FNDC7: variants seen among roughly 807,000 people sequenced by gnomAD.
The protein encoded by FNDC7 is fibronectin type III domain containing 7, also known as fibronectin type III domain-containing protein 7.
In FNDC7, 66 loss-of-function variants were observed where a neutral mutation model predicts 74.2. That is an observed-to-expected ratio of 0.89 (90% confidence interval 0.73 to 1.09). The LOEUF is 1.09. Ranked by LOEUF, FNDC7 falls within the 50% of genes least tolerant of loss-of-function variation. The probability of loss-of-function intolerance (pLI) is 0.00; values close to 1 mark genes in which losing one functional copy is unlikely to be tolerated. For synonymous variants in FNDC7, 307 were observed against 330.2 expected, an observed-to-expected ratio of 0.93 and a Z score of 0.76; for missense variants, 829 against 893.4, an observed-to-expected ratio of 0.93 and a Z score of 0.92.
intron 3 of FNDC7, 137 bp from the exon 4 acceptor site, chr1:108,718,652 A>T (rs1351056211): frequency 2.1e-5 from 19 of 917,748 alleles, no homozygotes; most frequent in Non-Finnish European, 3.1e-5. Context: ...GCAATTATTT[A>T]ATGAAACTTT....
chr1:108,719,249 A>T (rs913600122), intron 4 of FNDC7, among the ~76,000 whole-genome samples, 200 bp downstream of exon 4: 1 of 152,196 alleles, frequency 6.6e-6, no homozygotes, highest in Non-Finnish European at 1.5e-5. Flanking sequence ...GGATAAAGAA[A>T]TGCTACTCAG....
chr1:108,722,753 T>C (rs1430949068), intron 5 of FNDC7, among the ~76,000 whole-genome samples, 161 bp downstream of exon 5: 2 of 152,274 alleles, frequency 1.3e-5, no homozygotes, highest in Non-Finnish European at 2.9e-5. Context: ...TTGAATAATA[T>C]TGATAGTGAA....
At chr1:108,713,386 G>GA in intron 1 of FNDC7, 125 bp from the exon 2 acceptor site, 1 of 796,696 alleles carries the variant, frequency 1.3e-6, no homozygotes, top group Non-Finnish European at 2.1e-6. Context: ...TGTATGGATT[G>GA]AAAGACTGCT....
At chr1:108,720,045 ATAATCATAGCCCTGCGGTG>A (rs1175981736) in intron 4 of FNDC7, among the ~76,000 whole-genome samples, 3 of 152,192 alleles carry the variant, frequency 2.0e-5, no homozygotes. Flanking sequence ...GGGAGGTAGT[ATAATCATAGCCCTGCGGTG>A]ATTCATGACA....
At chr1:108,723,395 C>G (rs1276144489) in intron 5 of FNDC7, among the ~76,000 whole-genome samples, 1 of 152,096 alleles carries the variant, frequency 6.6e-6, no homozygotes, top group Non-Finnish European at 1.5e-5. Flanking sequence ...ATAATATCTA[C>G]TTTATCTAAC....
At chr1:108,739,916 C>T (rs1452085367) in intron 11 of FNDC7, among the ~76,000 whole-genome samples, 2 of 151,650 alleles carry the variant, frequency 1.3e-5, no homozygotes, top group Non-Finnish European at 2.9e-5. Context: ...CAGTGTCACA[C>T]ACCTGTAGTC....
chr1:108,725,444 G>T (rs968704547), intron 5 of FNDC7, among the ~76,000 whole-genome samples: 1 of 152,186 alleles, frequency 6.6e-6, no homozygotes, highest in African/African-American at 2.4e-5. Flanking sequence ...ATGAAAATTT[G>T]TATGTCTTAA....
chr1:108,733,270 A>T lies in FNDC7; in HGVS notation c.1880-2A>T. The T allele has an allele frequency of 6.2e-7, 1 of 1,603,344 alleles. No individual in the cohort carries two copies. The highest frequency in any genetic ancestry group is 2.2e-5 in the East Asian group (1 of 44,552). On this transcript the variant is annotated splice_acceptor_variant, in intron 9 of 12. Transcript: ENST00000370017. LOFTEE classifies it high-confidence loss of function. Reference sequence around the variant, plus strand: ...TTTGTGTTTGTTATTTTTATTGCCTAGGTGCCTGCTGCCCTTTGGGGGTGA... The same window carrying T: ...TTTGTGTTTGTTATTTTTATTGCCTTGGTGCCTGCTGCCCTTTGGGGGTGA...
chr1:108,727,562 C>A (rs2065515), intron 6 of FNDC7, among the ~76,000 whole-genome samples: 8,728 of 152,024 alleles, frequency 0.057, 815 homozygotes, highest in African/African-American at 0.2. Flanking sequence ...TCTGGTGTGG[C>A]AGGGAGTGGG....
Position 108,722,435 on chromosome 1 carries a change from G to A in FNDC7, c.699G>A (p.Val233=), listed in dbSNP as rs2101080095. 3.7e-6 allele frequency: 6 copies of A among 1,614,212 alleles called. 1 individual carries two copies. The Middle Eastern group carries it at 8.3e-4, about 222-fold the overall frequency. ...CAGAAGGAGCTTTCAATTATACTGT[G>A]ATGGCTTTGAGCGACTCTTCAGAGC... ...ARAEGAFNYT[V]MALSDSSELT... The change falls in exon 5 of 13, where the codon GTG becomes GTA. Residue 233 remains valine (V), a synonymous_variant. Transcript: ENST00000370017.
intron 6 of FNDC7, among the ~76,000 whole-genome samples, chr1:108,727,031 C>A (rs903540646): frequency 1.3e-5 from 2 of 152,074 alleles, no homozygotes; most frequent in Admixed American, 1.3e-4. Context: ...TCTCTTAAGA[C>A]CTACCTATAT....
rs1661273347 is a variant in FNDC7 at position 108,728,723 on chromosome 1, C to A, written c.1461C>A (p.Tyr487Ter). 1 of 1,614,144 alleles carries A rather than the reference C, an allele frequency of 6.2e-7. No homozygotes were observed. Among genetic ancestry groups the A allele is most frequent in the Non-Finnish European group, 8.5e-7 (1 of 1,180,054 alleles). The change falls in exon 8 of 13, where the codon TAC (tyrosine) becomes TAA (stop). Residue 487 changes from tyrosine to a stop codon, truncating the protein, a stop_gained. Transcript: ENST00000370017. LOFTEE classifies it high-confidence loss of function. ...GATCCACTAATGATGATGCTACTTA[C>A]ACGGTGACTGCCCAAGGGGAGAAAG... The part of the protein sequence containing the change: ...HWRSTNDDAT[Y>*]TVTAQGEKGL...
In FNDC7 at chr1:108,717,839, T is replaced by G. The variant is rs1042978214; in HGVS notation, c.145T>G (p.Trp49Gly). ...ACTCAGCAACAGTATCACTGTAGAA[T>G]GGGCTACAGTGCCGGGTGCCACCAG... ...SKLSNSITVE[W>G]ATVPGATSYL... The change falls in exon 3 of 13, where the codon TGG becomes GGG. Residue 49 changes from tryptophan (W) to glycine (G), a missense_variant. Coordinates refer to ENST00000370017, the MANE Select transcript of FNDC7 (RefSeq NM_001144937.3). 1.3e-6 allele frequency: 2 copies of G among 1,551,654 alleles called. No homozygotes were observed. The highest frequency in any genetic ancestry group is 3.9e-5 in the Admixed American group (2 of 51,010).
At chr1:108,717,542 C>A (rs1461634144) in intron 2 of FNDC7, among the ~76,000 whole-genome samples, 3 of 152,138 alleles carry the variant, frequency 2.0e-5, no homozygotes, top group Non-Finnish European at 4.4e-5. Flanking sequence ...ACCCCACAGG[C>A]AATTGGGGAA....
chr1:108,726,034 G>A, intron 6 of FNDC7, 30 bp downstream of exon 6: 10 of 1,609,636 alleles, frequency 6.2e-6, no homozygotes, highest in Non-Finnish European at 8.5e-6. Flanking sequence ...TGTTAAGGGA[G>A]TTCTGAGATC....
At chr1:108,727,337 AAAC>A (rs200850102) in intron 6 of FNDC7, among the ~76,000 whole-genome samples, 54 of 151,980 alleles carry the variant, frequency 3.6e-4, no homozygotes, top group Non-Finnish European at 6.0e-4. Context: ...TGAAAAAACA[AAAC>A]AACAACAACA....
chr1:108,722,741 G>A (rs1661122138), intron 5 of FNDC7, 149 bp downstream of exon 5: 2 of 969,072 alleles, frequency 2.1e-6, no homozygotes, highest in Non-Finnish European at 2.8e-6. Context: ...ATTCTCATGA[G>A]TTTGAATAAT....
At chr1:108,740,216 T>C (rs557053642) in intron 11 of FNDC7, among the ~76,000 whole-genome samples, 73 of 151,990 alleles carry the variant, frequency 4.8e-4, no homozygotes, top group African/African-American at 1.7e-3. Flanking sequence ...TGGGCTGACA[T>C]TGGAGCCTCT....
At position 108,730,899 on chromosome 1, in the gene FNDC7, C is replaced by T. The variant is rs761608859; in HGVS notation, c.1850C>T (p.Ala617Val). 1.9e-6 allele frequency: 3 copies of T among 1,612,550 alleles called. No homozygotes were observed. Among genetic ancestry groups the T allele is most frequent in the Non-Finnish European group, 2.5e-6 (3 of 1,179,262 alleles). The part of the protein sequence containing the change: ...LKAISATGLT[A>V]DCSYQSYFSG... ...GCAATTAGTGCCACCGGGTTGACTG[C>T]AGATTGCTCCTACCAAAGTTATTTC... is the stretch of plus-strand genomic sequence containing the variant. The change falls in exon 9 of 13, where the codon GCA becomes GTA. Residue 617 changes from alanine (A) to valine (V), a missense_variant. Coordinates refer to ENST00000370017, the MANE Select transcript of FNDC7 (RefSeq NM_001144937.3).
Sources: gnomAD v4.1 joint callset for allele counts (sites outside exome capture counted in the v4.1 genomes callset) on GRCh38, gnomAD v4.1.1 for gene constraint, MANE v1.5 for transcripts, NCBI Gene and HGNC (gene_info 2026-07-23, HGNC 2026-07-21) for gene names.